NTRK2: variants seen among roughly 807,000 people sequenced by gnomAD.
The protein encoded by NTRK2 is BDNF/NT-3 growth factors receptor.
NTRK2 carries 13 observed loss-of-function variants against 94.5 expected under a neutral mutation model. The observed-to-expected ratio is 0.14, with a 90% CI of 0.09 to 0.22. The LOEUF is 0.22. Among genes scored for constraint, NTRK2 ranks in the 10% least tolerant of loss-of-function variants. The probability of loss-of-function intolerance (pLI) is 1.00; values close to 1 mark genes in which losing one functional copy is unlikely to be tolerated. For missense variants in NTRK2, 639 were observed against 1,071.2 expected (o/e 0.60, Z 5.63); for synonymous variants, 372 against 407.4 (o/e 0.91, Z 1.05).
chr9:84,906,870 A>G (rs1254924073), intron 14 of NTRK2, among the ~76,000 whole-genome samples: 1 of 152,228 alleles, frequency 6.6e-6, no homozygotes, highest in Non-Finnish European at 1.5e-5. Flanking sequence ...GTGTATCAAT[A>G]GACAACCTTC....
At chr9:84,702,836 C>T (rs2060815252) in intron 4 of NTRK2, among the ~76,000 whole-genome samples, 1 of 152,200 alleles carries the variant, frequency 6.6e-6, no homozygotes, top group African/African-American at 2.4e-5. Flanking sequence ...TGCTTTTCCC[C>T]TCACAATAGG....
At position 84,805,396 on chromosome 9, in the gene NTRK2, C is replaced by T. The variant is rs149129085; in HGVS notation, c.1396+53311C>T. Among the ~76,000 whole-genome samples the T allele has an allele frequency of 3.9e-3, 596 of 152,256 alleles. 9 individuals carry two copies. Among genetic ancestry groups the T allele is most frequent in the East Asian group, 0.032 (165 of 5,182 alleles). On this transcript the variant is annotated intron_variant, in intron 12 of 18. Coordinates refer to ENST00000277120, the MANE Select transcript of NTRK2 (RefSeq NM_006180.6). ...TGATCAAAGTGAGAATTAGAATAAA[C>T]CAAGTCTAGCACCTTTTCCCCAGTA... is the stretch of plus-strand genomic sequence containing the variant.
At chr9:84,712,848 T>C (rs896898667) in intron 6 of NTRK2, among the ~76,000 whole-genome samples, 1 of 152,228 alleles carries the variant, frequency 6.6e-6, no homozygotes, top group Non-Finnish European at 1.5e-5. Flanking sequence ...TGATACAATG[T>C]GTCTTAATTA....
intron 12 of NTRK2, among the ~76,000 whole-genome samples, chr9:84,767,875 T>C (rs1199090281): frequency 5.3e-5 from 8 of 152,238 alleles, no homozygotes; most frequent in Admixed American, 5.2e-4. Context: ...TACATATTTA[T>C]TCTAGTCTGA....
At chr9:84,835,539 G>GAAC (rs963730260) in intron 12 of NTRK2, among the ~76,000 whole-genome samples, 1 of 115,746 alleles carries the variant, frequency 8.6e-6, no homozygotes, top group Non-Finnish European at 1.8e-5. Context: ...AGAACAACAA[G>GAAC]AACAACAACA....
At chr9:85,011,671 T>A (rs1483491962) in intron 17 of NTRK2, among the ~76,000 whole-genome samples, 2 of 152,204 alleles carry the variant, frequency 1.3e-5, no homozygotes, top group Non-Finnish European at 2.9e-5. Flanking sequence ...TTCTAGCCTC[T>A]AAAACTGTAA....
intron 9 of NTRK2, among the ~76,000 whole-genome samples, chr9:84,738,959 T>C (rs17379611): frequency 0.026 from 3,939 of 152,328 alleles, 74 homozygotes; most frequent in Admixed American, 0.046. Context: ...CTAACAGTTT[T>C]GCTGGTGAAC....
chr9:84,975,795 C>CA (rs1230585815), intron 17 of NTRK2, among the ~76,000 whole-genome samples: 2 of 151,934 alleles, frequency 1.3e-5, no homozygotes, highest in African/African-American at 4.8e-5. Flanking sequence ...TGTATTCACA[C>CA]AATACAATAC....
chr9:84,703,734 G>A (rs149768399), intron 4 of NTRK2, among the ~76,000 whole-genome samples: 1 of 152,274 alleles, frequency 6.6e-6, no homozygotes, highest in East Asian at 1.9e-4. Flanking sequence ...AATAAAGTCT[G>A]TAAATTAAGA....
In NTRK2 at chr9:85,022,177, C is replaced by T. The variant is rs1832817638; in HGVS notation, c.*740C>T. 3 of 233,326 alleles carry T rather than the reference C, an allele frequency of 1.3e-5. No homozygotes were observed. The East Asian group carries it at 1.8e-4, about 14-fold the overall frequency. 14.5% of individuals were successfully genotyped at this position (233,326 alleles called of 1,614,324 possible). On this transcript the variant is annotated 3_prime_UTR_variant, in exon 19 of 19. Transcript: ENST00000277120. Reference sequence around the variant, plus strand: ...TGTCAGTCCCTACTTAGGAAATACTCAGCAACTGTTAGCTGGGAAGAATGT... The same window carrying T: ...TGTCAGTCCCTACTTAGGAAATACTTAGCAACTGTTAGCTGGGAAGAATGT...
chr9:84,782,493 G>A (rs1244389670), intron 12 of NTRK2, among the ~76,000 whole-genome samples: 3 of 152,092 alleles, frequency 2.0e-5, no homozygotes, highest in African/African-American at 7.2e-5. Context: ...AAAAGCTGTG[G>A]TATTTTTTCT....
intron 12 of NTRK2, among the ~76,000 whole-genome samples, chr9:84,828,994 TTG>T (rs1044711233): frequency 2.1e-4 from 28 of 135,014 alleles, no homozygotes; most frequent in African/African-American, 7.9e-4. Context: ...TGTTTTTTTT[TTG>T]TTGTTTGTTT....
At chr9:84,758,035 A>G (rs992693117) in intron 12 of NTRK2, among the ~76,000 whole-genome samples, 7 of 152,074 alleles carry the variant, frequency 4.6e-5, no homozygotes, top group African/African-American at 1.7e-4. Flanking sequence ...TAAATGATAC[A>G]TTGATTAATA....
At chr9:84,773,368 G>A (rs898916394) in intron 12 of NTRK2, among the ~76,000 whole-genome samples, 4 of 152,202 alleles carry the variant, frequency 2.6e-5, no homozygotes, top group African/African-American at 9.6e-5. Flanking sequence ...ATATATAAGG[G>A]CTATAGAAAT....
intron 2 of NTRK2, among the ~76,000 whole-genome samples, chr9:84,673,885 C>A (rs1161122895): frequency 6.6e-6 from 1 of 152,192 alleles, no homozygotes; most frequent in East Asian, 1.9e-4. Flanking sequence ...TGCTAAGTGG[C>A]AGCTCCTGTT....
At chr9:84,908,302 T>A (rs879335467) in intron 14 of NTRK2, among the ~76,000 whole-genome samples, 1 of 152,216 alleles carries the variant, frequency 6.6e-6, no homozygotes, top group Non-Finnish European at 1.5e-5. Flanking sequence ...CATGTCAGAG[T>A]AGAAGTGACT....
intron 14 of NTRK2, among the ~76,000 whole-genome samples, chr9:84,906,846 C>G (rs1332466887): frequency 6.6e-6 from 1 of 152,152 alleles, no homozygotes; most frequent in Non-Finnish European, 1.5e-5. Flanking sequence ...TTTAAGTATT[C>G]CTTTGTAAGT....
At chr9:84,989,195 A>C (rs917489854) in intron 17 of NTRK2, among the ~76,000 whole-genome samples, 5 of 152,240 alleles carry the variant, frequency 3.3e-5, no homozygotes, top group African/African-American at 1.2e-4. Context: ...CCCACCCCAC[A>C]AACTACTATT....
At chr9:84,783,213 G>C (rs1210738442) in intron 12 of NTRK2, among the ~76,000 whole-genome samples, 1 of 152,196 alleles carries the variant, frequency 6.6e-6, no homozygotes, top group African/African-American at 2.4e-5. Context: ...GACATTTTGT[G>C]TGTCTAGGGA....
Sources: gnomAD v4.1 joint callset for allele counts (sites outside exome capture counted in the v4.1 genomes callset) on GRCh38, gnomAD v4.1.1 for gene constraint, MANE v1.5 for transcripts, NCBI Gene and HGNC (gene_info 2026-07-23, HGNC 2026-07-21) for gene names.